Variants in USH2A observed in about 807,000 individuals in gnomAD.
USH2A encodes Usher syndrome 2A (autosomal recessive, mild).
In USH2A, 443 loss-of-function variants were observed where a neutral mutation model predicts 538.9. The observed-to-expected ratio is 0.82, with a 90% CI of 0.76 to 0.89. USH2A has a LOEUF of 0.89. USH2A is among the 40% of genes least tolerant of loss of function. The pLI, the probability that USH2A is intolerant of heterozygous loss-of-function variation, is 0.00. For synonymous variants in USH2A, 2,413 were observed against 2,273.5 expected (o/e 1.06, Z -1.75); for missense variants, 6,633 against 6,324.8 (o/e 1.05, Z -1.65).
chr1:215,861,838 C>CTT (rs11461966), intron 44 of USH2A, among the ~76,000 whole-genome samples: 2,257 of 110,210 alleles, frequency 0.02, 167 homozygotes, highest in African/African-American at 0.047. Flanking sequence ...GTAGTTTTCG[C>CTT]TTTTTTTTTT....
chr1:215,890,509 GAAATC>G (rs1328847011), intron 40 of USH2A, among the ~76,000 whole-genome samples: 1 of 152,112 alleles, frequency 6.6e-6, no homozygotes, highest in East Asian at 1.9e-4. Flanking sequence ...CACTAACTCT[GAAATC>G]AAGCTATTTC....
chr1:216,134,761 C>G (rs1413559177), intron 21 of USH2A, among the ~76,000 whole-genome samples: 4 of 151,988 alleles, frequency 2.6e-5, no homozygotes, highest in African/African-American at 9.7e-5. Flanking sequence ...AAAGAAATAG[C>G]CAAATATGTC....
At chr1:216,383,396 T>C (rs1043080401) in intron 3 of USH2A, among the ~76,000 whole-genome samples, 2 of 152,228 alleles carry the variant, frequency 1.3e-5, no homozygotes, top group African/African-American at 4.8e-5. Flanking sequence ...TATGAAAGGA[T>C]ACTCAATGAG....
chr1:216,416,166 CA>C (rs1045950421), intron 3 of USH2A, among the ~76,000 whole-genome samples: 4 of 150,242 alleles, frequency 2.7e-5, no homozygotes, highest in Non-Finnish European at 5.9e-5. Context: ...AACTCTGTCT[CA>C]AAAAAAAATC....
At chr1:215,932,588 T>C (rs1666392468) in intron 38 of USH2A, among the ~76,000 whole-genome samples, 1 of 151,996 alleles carries the variant, frequency 6.6e-6, no homozygotes, top group African/African-American at 2.4e-5. Flanking sequence ...AACAATCTAA[T>C]GAAAAAAGAA....
intron 35 of USH2A, among the ~76,000 whole-genome samples, chr1:215,980,109 T>C (rs906707228): frequency 1.3e-5 from 2 of 152,200 alleles, no homozygotes; most frequent in East Asian, 3.9e-4. Flanking sequence ...AAAATACTGT[T>C]GTGCAGGGGA....
chr1:216,211,622 C>T (rs1210578117), intron 15 of USH2A, among the ~76,000 whole-genome samples: 1 of 152,126 alleles, frequency 6.6e-6, no homozygotes, highest in East Asian at 1.9e-4. Context: ...GCTCATTGCC[C>T]TCCTTTTGTC....
chr1:216,411,970 A>T (rs1401532549), intron 3 of USH2A, among the ~76,000 whole-genome samples: 1 of 152,150 alleles, frequency 6.6e-6, no homozygotes. Flanking sequence ...TCTTCATGTG[A>T]TCATGTAGCA....
chr1:216,150,033 T>C (rs1488795692), intron 21 of USH2A, among the ~76,000 whole-genome samples: 1 of 152,176 alleles, frequency 6.6e-6, no homozygotes, highest in East Asian at 1.9e-4. Flanking sequence ...CCCTTCATTC[T>C]ATTAGGTCTG....
chr1:216,280,039 T>C (rs2036742592), intron 11 of USH2A, among the ~76,000 whole-genome samples: 1 of 151,678 alleles, frequency 6.6e-6, no homozygotes, highest in Admixed American at 6.6e-5. Context: ...GCACTTTAGG[T>C]GTGGATTCAC....
At chr1:215,734,330 G>A (rs1422976711) in intron 60 of USH2A, among the ~76,000 whole-genome samples, 1 of 152,196 alleles carries the variant, frequency 6.6e-6, no homozygotes. Flanking sequence ...AGGGCTCTGG[G>A]CCTGGCCCTC....
At chr1:215,725,391 A>G (rs1301303078) in intron 61 of USH2A, among the ~76,000 whole-genome samples, 1 of 152,188 alleles carries the variant, frequency 6.6e-6, no homozygotes, top group Non-Finnish European at 1.5e-5. Context: ...ACACTAGTTC[A>G]TTTTCCTGAT....
chr1:216,214,256 T>G (rs1395607303), intron 15 of USH2A, among the ~76,000 whole-genome samples: 2 of 152,088 alleles, frequency 1.3e-5, no homozygotes, highest in Non-Finnish European at 2.9e-5. Context: ...TGTTCATGGA[T>G]GCATTATTCA....
At chr1:216,212,530 A>G (rs1466869732) in intron 15 of USH2A, among the ~76,000 whole-genome samples, 1 of 152,096 alleles carries the variant, frequency 6.6e-6, no homozygotes, top group Non-Finnish European at 1.5e-5. Flanking sequence ...TCTCTTTGGG[A>G]ACCACCAGCT....
At chr1:215,705,192 C>T (rs922272826) in intron 61 of USH2A, among the ~76,000 whole-genome samples, 4 of 152,192 alleles carry the variant, frequency 2.6e-5, no homozygotes, top group African/African-American at 9.7e-5. Context: ...AACAAGAACA[C>T]AGTGATTCCT....
At chr1:215,670,369 G>A (rs953693574) in intron 64 of USH2A, among the ~76,000 whole-genome samples, 1 of 152,124 alleles carries the variant, frequency 6.6e-6, no homozygotes, top group African/African-American at 2.4e-5. Flanking sequence ...GAATGCAAAT[G>A]GACTCTGATG....
At chr1:216,365,226 G>T in intron 3 of USH2A, 141 bp from the exon 4 acceptor site, 1 of 964,586 alleles carries the variant, frequency 1.0e-6, no homozygotes, top group Non-Finnish European at 1.5e-6. Flanking sequence ...TATTTTAATA[G>T]CTCAGTGATA....
At chr1:215,789,738 C>G (rs1661926552) in intron 51 of USH2A, among the ~76,000 whole-genome samples, 1 of 152,068 alleles carries the variant, frequency 6.6e-6, no homozygotes, top group Admixed American at 6.5e-5. Context: ...CACAGTGCTC[C>G]CAGGCATGAA....
chr1:215,765,291 C>T (rs1449752141), intron 56 of USH2A, among the ~76,000 whole-genome samples: 1 of 152,116 alleles, frequency 6.6e-6, no homozygotes, highest in Non-Finnish European at 1.5e-5. Flanking sequence ...CAAAGGAACA[C>T]TAAGCTTTTT....
Sources: allele counts gnomAD v4.1 joint callset (sites outside exome capture counted in the v4.1 genomes callset), GRCh38; gene constraint gnomAD v4.1.1; transcripts MANE v1.5; gene names NCBI Gene and HGNC (gene_info 2026-07-23, HGNC 2026-07-21).